ZNF800: variants seen among roughly 807,000 people sequenced by gnomAD.
The protein encoded by ZNF800 is zinc finger protein 800.
Under a neutral mutation model 59.5 loss-of-function variants are expected in ZNF800, and 13 were observed. The ratio of observed to expected loss-of-function variants is 0.22; its 90% CI spans 0.14 to 0.35. The LOEUF (loss-of-function observed/expected upper bound fraction) is 0.35, where lower values mean the gene tolerates loss of function less well. ZNF800 is among the 10% of genes least tolerant of loss of function. ZNF800 has a pLI of 1.00. For missense variants in ZNF800, 621 were observed against 783.7 expected (o/e 0.79, Z 2.48); for synonymous variants, 266 against 265.7 (o/e 1.00, Z -0.01).
At chr7:127,379,195 A>T (rs1800880763) in intron 3 of ZNF800, among the ~76,000 whole-genome samples, 1 of 152,202 alleles carries the variant, frequency 6.6e-6, no homozygotes. Context: ...ACATTACAAA[A>T]TATCTTGGCA....
intron 1 of ZNF800, among the ~76,000 whole-genome samples, chr7:127,356,957 G>A (rs1328551685): frequency 6.6e-6 from 1 of 151,798 alleles, no homozygotes; most frequent in Non-Finnish European, 1.5e-5. Flanking sequence ...TCCTTTAAAG[G>A]CATATTTTAA....
At chr7:127,348,503 G>GA (rs1800113331) in intron 1 of ZNF800, among the ~76,000 whole-genome samples, 1 of 150,930 alleles carries the variant, frequency 6.6e-6, no homozygotes, top group African/African-American at 2.4e-5. Context: ...TTCTTACAGC[G>GA]AATACTAAAC....
chr7:127,371,908 G>C, intron 5 of ZNF800, 94 bp from the exon 6 acceptor site: 1 of 614,350 alleles, frequency 1.6e-6, no homozygotes, highest in East Asian at 2.9e-5. Context: ...CTAAAAGATG[G>C]TTTCATCTCA....
chr7:127,351,884 G>C (rs1038143018), intron 1 of ZNF800, among the ~76,000 whole-genome samples: 2 of 152,170 alleles, frequency 1.3e-5, no homozygotes, highest in African/African-American at 4.8e-5. Context: ...ACTCAAATAA[G>C]ATGTAAAATC....
intron 1 of ZNF800, chr7:127,363,969 G>A (rs1800448590): frequency 6.6e-6 from 1 of 151,826 alleles, no homozygotes; most frequent in African/African-American, 2.4e-5. Flanking sequence ...TGGGAAGGTG[G>A]GTAAAAAGAA....
rs1800617123 is a variant in ZNF800, at chr7:127,370,892, A to G, written c.*922T>C. ...ATTTTTCTTGGGAGAAAAAAAAATC[A>G]GGGCTTACACCCGCATCTTCCTTTT... On this transcript the variant is annotated 3_prime_UTR_variant, in exon 6 of 6. Transcript: ENST00000265827. 1 of 152,578 alleles carries G rather than the reference A, an allele frequency of 6.6e-6. No individual in the cohort carries two copies. Among genetic ancestry groups the G allele is most frequent in the Non-Finnish European group, 1.5e-5 (1 of 67,980 alleles). 9.5% of individuals were successfully genotyped at this position (152,578 alleles called of 1,614,324 possible).
intron 1 of ZNF800, among the ~76,000 whole-genome samples, chr7:127,354,108 C>T (rs891542100): frequency 4.6e-5 from 7 of 152,102 alleles, no homozygotes; most frequent in African/African-American, 1.7e-4. Flanking sequence ...TTACACAAGT[C>T]TGAAGGTAAA....
At chr7:127,367,719 T>C (rs1419559809), downstream of ZNF800, among the ~76,000 whole-genome samples, 1 of 152,160 alleles carries the variant, frequency 6.6e-6, no homozygotes, top group Non-Finnish European at 1.5e-5. Context: ...GGTGTACAAT[T>C]TAGAGATGGA....
At chr7:127,350,354 T>A (rs895723382) in intron 1 of ZNF800, 7 of 152,164 alleles carry the variant, frequency 4.6e-5, no homozygotes, top group Non-Finnish European at 1.0e-4. Context: ...GGAAAAAAAA[T>A]TTAGAAAATT....
chr7:127,390,207 C>A (rs910654391), intron 2 of ZNF800, among the ~76,000 whole-genome samples: 1 of 152,006 alleles, frequency 6.6e-6, no homozygotes, highest in African/African-American at 2.4e-5. Context: ...GTCAGTGGAA[C>A]ATGAGTTTAA....
rs756238204 is a variant in ZNF800, at chr7:127,373,948, G to A, written c.1388C>T (p.Pro463Leu). 12 of 1,614,026 alleles carry A rather than the reference G, an allele frequency of 7.4e-6. No homozygotes were observed. In the Admixed American group the frequency reaches 8.3e-5, roughly 11 times the overall value. Residue 463 changes from proline (P) to leucine (L), a missense_variant, in exon 5 of 6, where the codon CCG (proline) becomes CTG (leucine). Transcript: ENST00000265827. ...TTTTTGCTGGCCACCTGCAGCCGAC[G>A]GACTAGTTGATTTAGGGCTTTCAGA... ...QDSESPKSTS[P>L]SAAGGQQKTR...
chr7:127,346,854 G>A (rs1384798391), exon 2 of ZNF800: 1 of 152,588 alleles, frequency 6.6e-6, no homozygotes, highest in Non-Finnish European at 1.5e-5. Context: ...GGGCCCAAGA[G>A]CCTCAGGCTG....
intron 3 of ZNF800, among the ~76,000 whole-genome samples, chr7:127,384,847 G>A (rs563524715): frequency 3.9e-5 from 6 of 152,044 alleles, no homozygotes; most frequent in African/African-American, 9.6e-5. Flanking sequence ...TCTGTTAGTC[G>A]AGGGCAATTA....
At chr7:127,348,982 G>T (rs1800122450) in intron 1 of ZNF800, among the ~76,000 whole-genome samples, 1 of 151,954 alleles carries the variant, frequency 6.6e-6, no homozygotes, top group Admixed American at 6.6e-5. Flanking sequence ...AGAGTTTATT[G>T]CTTAAACACT....
intron 3 of ZNF800, among the ~76,000 whole-genome samples, chr7:127,383,551 CAG>C (rs1801035456): frequency 6.6e-6 from 1 of 152,140 alleles, no homozygotes; most frequent in African/African-American, 2.4e-5. Context: ...AACAGAGCCT[CAG>C]AGCTAGAAGG....
intron 1 of ZNF800, among the ~76,000 whole-genome samples, chr7:127,358,237 C>T (rs1443042294): frequency 6.6e-6 from 1 of 151,818 alleles, no homozygotes; most frequent in African/African-American, 2.4e-5. Context: ...TGGTGCCACC[C>T]ACCTGCTCAA....
At chr7:127,367,982 G>C (rs1041466684), downstream of ZNF800, among the ~76,000 whole-genome samples, 4 of 152,078 alleles carry the variant, frequency 2.6e-5, no homozygotes, top group African/African-American at 9.7e-5. Context: ...AAAATATGTA[G>C]AGGAAGAGGC....
intron 1 of ZNF800, 90 bp from the exon 2 acceptor site, chr7:127,391,705 T>G (rs1434699136): frequency 7.2e-6 from 5 of 693,776 alleles, no homozygotes; most frequent in African/African-American, 3.5e-5. Flanking sequence ...TCATCAGCTC[T>G]CCGCTTTCCC....
At chr7:127,358,515 C>T (rs1334833020) in intron 1 of ZNF800, among the ~76,000 whole-genome samples, 2 of 152,044 alleles carry the variant, frequency 1.3e-5, no homozygotes, top group Non-Finnish European at 2.9e-5. Context: ...AACGGTACTC[C>T]TAATTTTGAA....
Sources: allele counts gnomAD v4.1 joint callset (sites outside exome capture counted in the v4.1 genomes callset), GRCh38; gene constraint gnomAD v4.1.1; transcripts MANE v1.5; gene names NCBI Gene and HGNC (gene_info 2026-07-23, HGNC 2026-07-21).